The following CAMK1D variants were observed in gnomAD, a reference collection of about 807,000 sequenced individuals.
CAMK1D encodes calcium/calmodulin dependent protein kinase ID.
Under a neutral mutation model 47.7 loss-of-function variants are expected in CAMK1D, and 9 were observed. That is an observed-to-expected ratio of 0.19 (90% CI 0.11 to 0.33). CAMK1D has a LOEUF of 0.33. CAMK1D is among the 10% of genes least tolerant of loss of function. The pLI is 1.00. For synonymous variants in CAMK1D, 184 were observed against 184.9 expected (o/e 0.99, Z 0.04); for missense variants, 291 against 488.7 (o/e 0.60, Z 3.81).
chr10:12,712,025 A>G (rs767527243), intron 3 of CAMK1D, among the ~76,000 whole-genome samples: 1 of 152,206 alleles, frequency 6.6e-6, no homozygotes, highest in South Asian at 2.1e-4. Flanking sequence ...TGATCGGCAA[A>G]TGTATCAGCT....
At chr10:12,547,110 T>C (rs565909318) in intron 1 of CAMK1D, among the ~76,000 whole-genome samples, 1 of 152,096 alleles carries the variant, frequency 6.6e-6, no homozygotes, top group African/African-American at 2.4e-5. Context: ...CATTGATGTT[T>C]GAAGGGAGGA....
chr10:12,671,550 C>T (rs572100252), intron 3 of CAMK1D, among the ~76,000 whole-genome samples: 117 of 151,690 alleles, frequency 7.7e-4, no homozygotes, highest in Non-Finnish European at 1.2e-3. Context: ...TGATAACTAA[C>T]GATTTTGAAC....
intron 2 of CAMK1D, among the ~76,000 whole-genome samples, chr10:12,563,174 C>T (rs866768933): frequency 9.2e-5 from 14 of 152,148 alleles, no homozygotes; most frequent in Non-Finnish European, 1.3e-4. Flanking sequence ...GTCCAAGGGC[C>T]GGAGATGGAT....
intron 2 of CAMK1D, among the ~76,000 whole-genome samples, chr10:12,658,792 A>C (rs1363223316): frequency 6.6e-6 from 1 of 152,022 alleles, no homozygotes; most frequent in Non-Finnish European, 1.5e-5. Context: ...TTCCCACTCC[A>C]TTCCCCTTCT....
At chr10:12,432,406 C>T (rs966593620) in intron 1 of CAMK1D, among the ~76,000 whole-genome samples, 1 of 152,198 alleles carries the variant, frequency 6.6e-6, no homozygotes, top group African/African-American at 2.4e-5. Context: ...TTTGCTTTCC[C>T]ACCAAAGTGG....
chr10:12,436,909 A>C (rs1832649248), intron 1 of CAMK1D, among the ~76,000 whole-genome samples: 1 of 152,120 alleles, frequency 6.6e-6, no homozygotes, highest in South Asian at 2.1e-4. Flanking sequence ...CATGGCTAAG[A>C]TTTATCACAG....
chr10:12,702,291 G>T (rs1295786317), intron 3 of CAMK1D, among the ~76,000 whole-genome samples: 2 of 152,228 alleles, frequency 1.3e-5, no homozygotes, highest in African/African-American at 2.4e-5. Flanking sequence ...AGGTGAGGTT[G>T]TTGGAAACAT....
At chr10:12,766,995 A>C (rs1836794690) in intron 4 of CAMK1D, among the ~76,000 whole-genome samples, 1 of 152,068 alleles carries the variant, frequency 6.6e-6, no homozygotes, top group Admixed American at 6.6e-5. Context: ...CTGCTTGTGG[A>C]GCTCTGAAAT....
At chr10:12,603,084 T>A (rs1186768637) in intron 2 of CAMK1D, among the ~76,000 whole-genome samples, 1 of 151,890 alleles carries the variant, frequency 6.6e-6, no homozygotes, top group East Asian at 1.9e-4. Flanking sequence ...CTAATTTTTA[T>A]ATTTTTGGTA....
chr10:12,361,889 G>T (rs372590172), intron 1 of CAMK1D, among the ~76,000 whole-genome samples: 5 of 151,950 alleles, frequency 3.3e-5, no homozygotes, highest in Admixed American at 1.3e-4. Context: ...ATAGTTAAAC[G>T]CCTCCTCCAG....
At chr10:12,825,528 A>T (rs1833169852) in intron 9 of CAMK1D, 45 bp from the exon 10 acceptor site, 9 of 1,584,610 alleles carry the variant, frequency 5.7e-6, no homozygotes, top group Non-Finnish European at 7.7e-6. Context: ...GTCTTTTCCG[A>T]TTAGCTGAAA....
intron 1 of CAMK1D, among the ~76,000 whole-genome samples, chr10:12,466,380 C>T (rs1332525118): frequency 6.6e-6 from 1 of 152,108 alleles, no homozygotes; most frequent in African/African-American, 2.4e-5. Context: ...TGCACTCCAG[C>T]CTGGGCGACA....
At chr10:12,381,525 G>A (rs1278807950) in intron 1 of CAMK1D, among the ~76,000 whole-genome samples, 2 of 151,926 alleles carry the variant, frequency 1.3e-5, no homozygotes, top group African/African-American at 2.4e-5. Context: ...TAGTAGAGAC[G>A]GGTTTCACCT....
chr10:12,429,832 C>T (rs955779137), intron 1 of CAMK1D, among the ~76,000 whole-genome samples: 2 of 152,142 alleles, frequency 1.3e-5, no homozygotes, highest in African/African-American at 4.8e-5. Context: ...GCACTCCACG[C>T]AAGGTTTCAC....
At chr10:12,631,369 G>A (rs536754432) in intron 2 of CAMK1D, among the ~76,000 whole-genome samples, 3 of 152,276 alleles carry the variant, frequency 2.0e-5, no homozygotes, top group South Asian at 2.1e-4. Context: ...GACAAGCTCC[G>A]CCCATAGTGC....
chr10:12,666,307 G>A (rs1840429046), intron 2 of CAMK1D, among the ~76,000 whole-genome samples: 1 of 152,010 alleles, frequency 6.6e-6, no homozygotes, highest in Admixed American at 6.6e-5. Flanking sequence ...AGGTCTCCCT[G>A]CTCCCTGACA....
chr10:12,504,806 G>T (rs1834820894), intron 1 of CAMK1D, among the ~76,000 whole-genome samples: 1 of 152,026 alleles, frequency 6.6e-6, no homozygotes, highest in Non-Finnish European at 1.5e-5. Flanking sequence ...CCCGGGACGG[G>T]GCTCCTCTCA....
At chr10:12,377,209 A>C (rs1392206230) in intron 1 of CAMK1D, among the ~76,000 whole-genome samples, 1 of 152,240 alleles carries the variant, frequency 6.6e-6, no homozygotes, top group Non-Finnish European at 1.5e-5. Flanking sequence ...AATTAAAAAA[A>C]AAATGTTCTT....
At chr10:12,494,582 C>T (rs1429124394) in intron 1 of CAMK1D, among the ~76,000 whole-genome samples, 2 of 149,066 alleles carry the variant, frequency 1.3e-5, no homozygotes, top group Admixed American at 6.7e-5. Flanking sequence ...TTCAGTTTTT[C>T]GAGACAGAGT....
Sources: gnomAD v4.1 joint callset for allele counts (sites outside exome capture counted in the v4.1 genomes callset) on GRCh38, gnomAD v4.1.1 for gene constraint, MANE v1.5 for transcripts, NCBI Gene and HGNC (gene_info 2026-07-23, HGNC 2026-07-21) for gene names.